The following ROR2 variants were observed in gnomAD, a reference collection of about 807,000 sequenced individuals.
ROR2 encodes the protein ROR family WNT receptor 2.
Under a neutral mutation model 74.9 loss-of-function variants are expected in ROR2, and 33 were observed. The ratio of observed to expected loss-of-function variants is 0.44; its 90% CI spans 0.33 to 0.59. The LOEUF (loss-of-function observed/expected upper bound fraction) is 0.59. Among genes scored for constraint, ROR2 ranks in the 20% least tolerant of loss-of-function variants. The pLI is 0.02. For synonymous variants in ROR2, 586 were observed against 558.7 expected (o/e 1.05, Z -0.69); for missense variants, 1,216 against 1,313.8 (o/e 0.93, Z 1.15).
At chr9:91,929,459 C>T (rs1405740262) in intron 1 of ROR2, among the ~76,000 whole-genome samples, 1 of 152,164 alleles carries the variant, frequency 6.6e-6, no homozygotes, top group African/African-American at 2.4e-5. Flanking sequence ...AGGTGTAACC[C>T]GTGGAGAGGG....
rs761919281 is a variant in ROR2, at chr9:91,733,220, C to T, written c.839G>A (p.Arg280Gln). The T allele has an allele frequency of 1.9e-6, 3 of 1,612,340 alleles. No individual in the cohort carries two copies. The East Asian group carries it at 6.7e-5, about 36-fold the overall frequency. The change falls in exon 6 of 9, where the codon CGG becomes CAG. Residue 280 changes from arginine (R) to glutamine (Q), a missense_variant. Physicochemically the swap from Arg to Gln is conservative, Grantham distance 43 (BLOSUM62 1). Coordinates refer to ENST00000375708, the MANE Select transcript of ROR2 (RefSeq NM_004560.4). The surrounding 1 kb of genome is among the most constrained non-coding windows in gnomAD (Gnocchi z 5.7). ...IARSNPLILM[R>Q]LQLPKCEALP... ...CGCCTCACACTTGGGCAGCTGAAGC[C>T]GCATGAGGATGAGCGGGTTGGAGCG...
chr9:91,743,970 T>C (rs1455570552), intron 4 of ROR2, among the ~76,000 whole-genome samples: 1 of 152,200 alleles, frequency 6.6e-6, no homozygotes, highest in Non-Finnish European at 1.5e-5. Context: ...AATAAACATA[T>C]TGTAGTACAT....
chr9:91,945,035 G>T (rs1831977181), intron 1 of ROR2, among the ~76,000 whole-genome samples: 1 of 151,312 alleles, frequency 6.6e-6, no homozygotes, highest in Non-Finnish European at 1.5e-5. Context: ...AGCCGTGTTT[G>T]CACCACTGCA....
intron 4 of ROR2, among the ~76,000 whole-genome samples, chr9:91,752,054 C>T (rs1825609979): frequency 6.6e-6 from 1 of 152,200 alleles, no homozygotes; most frequent in Non-Finnish European, 1.5e-5. Context: ...ACTTGAATCA[C>T]TGCATACACC....
chr9:91,752,689 C>T lies in ROR2; in HGVS notation c.494+3382G>A, dbSNP rs556339938. 3.7e-4 allele frequency among the ~76,000 whole-genome samples: 57 copies of T among 152,256 alleles called. 1 individual carries two copies. The highest frequency in any genetic ancestry group is 2.9e-4 in the Non-Finnish European group (20 of 68,024). ...TATGCATTTGTCAGACCTTATAGTG[C>T]TATACTTAAGATGTGTGCATTTCAC... On this transcript the variant is annotated intron_variant, in intron 4 of 8. Transcript: ENST00000375708.
intron 1 of ROR2, among the ~76,000 whole-genome samples, chr9:91,921,277 A>G (rs1014155033): frequency 6.6e-6 from 1 of 152,280 alleles, no homozygotes; most frequent in African/African-American, 2.4e-5. Context: ...AGTACATGCA[A>G]AATCAGTCCT....
intron 1 of ROR2, among the ~76,000 whole-genome samples, chr9:91,872,361 C>A (rs868333590): frequency 8.5e-4 from 129 of 152,294 alleles, no homozygotes; most frequent in African/African-American, 2.9e-3. Flanking sequence ...GAATGATGCA[C>A]CACCACCCAA....
chr9:91,773,202 C>T (rs141645106), intron 2 of ROR2, among the ~76,000 whole-genome samples: 284 of 152,310 alleles, frequency 1.9e-3, no homozygotes, highest in African/African-American at 6.5e-3. Context: ...GTTTGCAGCG[C>T]ATCTGAAACA....
At chr9:91,783,382 T>A (rs973341080) in intron 1 of ROR2, among the ~76,000 whole-genome samples, 3 of 152,220 alleles carry the variant, frequency 2.0e-5, no homozygotes, top group Non-Finnish European at 4.4e-5. Context: ...AGCCTCACAG[T>A]GAGTGCCTCG....
At chr9:91,814,274 C>T (rs1301407649) in intron 1 of ROR2, among the ~76,000 whole-genome samples, 1 of 152,184 alleles carries the variant, frequency 6.6e-6, no homozygotes, top group Non-Finnish European at 1.5e-5. Context: ...TATTTTTGAT[C>T]GTGGAAGGCA....
At chr9:91,747,252 C>G (rs1825451523) in intron 4 of ROR2, among the ~76,000 whole-genome samples, 1 of 152,210 alleles carries the variant, frequency 6.6e-6, no homozygotes, top group African/African-American at 2.4e-5. Context: ...CTCCTCACCC[C>G]CAATTAAACA....
chr9:91,878,330 AC>A (rs1830011247), intron 1 of ROR2, among the ~76,000 whole-genome samples: 1 of 152,000 alleles, frequency 6.6e-6, no homozygotes, highest in African/African-American at 2.4e-5. Context: ...CTTCTTCTCC[AC>A]CTGGTGAGGA....
At chr9:91,745,584 C>A (rs1488811309) in intron 4 of ROR2, among the ~76,000 whole-genome samples, 1 of 151,808 alleles carries the variant, frequency 6.6e-6, no homozygotes, top group Non-Finnish European at 1.5e-5. Flanking sequence ...TGCCACCACA[C>A]CTGGCTAATT....
intron 8 of ROR2, among the ~76,000 whole-genome samples, chr9:91,725,435 C>T (rs1040978999): frequency 6.6e-6 from 1 of 152,216 alleles, no homozygotes; most frequent in South Asian, 2.1e-4. Context: ...ACACACCCTA[C>T]AGCCAGGCCC....
At chr9:91,783,080 C>T (rs542950001) in intron 1 of ROR2, among the ~76,000 whole-genome samples, 28 of 152,234 alleles carry the variant, frequency 1.8e-4, no homozygotes, top group South Asian at 1.5e-3. Context: ...GCTGGCAGAC[C>T]ATGGCTTCTC....
intron 1 of ROR2, among the ~76,000 whole-genome samples, chr9:91,825,588 C>T (rs1053035871): frequency 2.0e-5 from 3 of 152,122 alleles, no homozygotes; most frequent in Non-Finnish European, 2.9e-5. Flanking sequence ...AACATCCCAA[C>T]GCCAGTATTC....
intron 1 of ROR2, among the ~76,000 whole-genome samples, chr9:91,906,565 T>C (rs950095910): frequency 6.6e-6 from 1 of 152,148 alleles, no homozygotes; most frequent in African/African-American, 2.4e-5. Context: ...ACCTCCACCA[T>C]TCATTTCCCC....
intron 1 of ROR2, among the ~76,000 whole-genome samples, chr9:91,792,320 T>TC (rs1189716745): frequency 6.6e-6 from 1 of 150,764 alleles, no homozygotes; most frequent in Non-Finnish European, 1.5e-5. Context: ...TTTTTTTTTT[T>TC]TTTTTGAGAC....
intron 1 of ROR2, among the ~76,000 whole-genome samples, chr9:91,863,747 G>T (rs942172009): frequency 8.6e-5 from 13 of 152,004 alleles, no homozygotes; most frequent in Admixed American, 6.6e-4. Context: ...GGCTGGGCCT[G>T]GGGGGAGATA....
Sources: gnomAD v4.1 joint callset for allele counts (sites outside exome capture counted in the v4.1 genomes callset) on GRCh38, gnomAD v4.1.1 for gene constraint, Gnocchi (gnomAD v3.1) non-coding constraint, MANE v1.5 for transcripts, NCBI Gene and HGNC (gene_info 2026-07-23, HGNC 2026-07-21) for gene names.